The following UBTD2 variants were observed in gnomAD, a reference collection of about 807,000 sequenced individuals.
The protein encoded by UBTD2 is ubiquitin domain-containing protein 2.
UBTD2 carries 9 observed loss-of-function variants against 19.8 expected under a neutral mutation model. The observed-to-expected ratio is 0.46, with a 90% CI of 0.27 to 0.79. The LOEUF is 0.79. Ranked by LOEUF, UBTD2 falls within the 30% of genes least tolerant of loss-of-function variation. The probability of loss-of-function intolerance (pLI) is 0.14; values close to 1 mark genes in which losing one functional copy is unlikely to be tolerated. For synonymous variants in UBTD2, 98 were observed against 103.9 expected (o/e 0.94, Z 0.35); for missense variants, 250 against 300.4 (o/e 0.83, Z 1.24).
intron 1 of UBTD2, among the ~76,000 whole-genome samples, chr5:172,240,223 C>A (rs952932799): frequency 1.3e-5 from 2 of 152,118 alleles, no homozygotes; most frequent in Non-Finnish European, 2.9e-5. Context: ...AGGAATCCTG[C>A]AGTAAAGAAG....
intron 2 of UBTD2, among the ~76,000 whole-genome samples, chr5:172,231,295 T>C (rs1351996259): frequency 1.3e-5 from 2 of 152,216 alleles, no homozygotes; most frequent in African/African-American, 4.8e-5. Flanking sequence ...AGTGACAATA[T>C]TAACACCCAG....
At chr5:172,250,147 T>C (rs1176395377) in intron 1 of UBTD2, among the ~76,000 whole-genome samples, 4 of 151,938 alleles carry the variant, frequency 2.6e-5, no homozygotes, top group Non-Finnish European at 5.9e-5. Context: ...CACTTGAACC[T>C]GGTAGGCGGA....
intron 1 of UBTD2, among the ~76,000 whole-genome samples, chr5:172,265,297 T>G (rs1247259766): frequency 6.6e-6 from 1 of 152,210 alleles, no homozygotes; most frequent in Admixed American, 6.5e-5. Flanking sequence ...AATAAAATAA[T>G]TTCACCCAAA....
chr5:172,274,934 G>A (rs1161765793), intron 1 of UBTD2, among the ~76,000 whole-genome samples: 1 of 152,186 alleles, frequency 6.6e-6, no homozygotes, highest in Non-Finnish European at 1.5e-5. Flanking sequence ...TACTTGGGAG[G>A]ATGAGGCAGG....
Position 172,234,104 on chromosome 5 carries a change from G to C in UBTD2, c.307+18C>G. 6.2e-7 allele frequency: 1 copy of C among 1,611,782 alleles called. No individual in the cohort carries two copies. The highest frequency in any genetic ancestry group is 1.1e-5 in the South Asian group (1 of 90,988). ...AGTTGATTATGTTTCCTCTGTCCTTGAGGAACACCAAACCTACCATGTGGT... is the reference window on the plus strand; with the variant it reads ...AGTTGATTATGTTTCCTCTGTCCTTCAGGAACACCAAACCTACCATGTGGT... On this transcript the variant is annotated intron_variant, in intron 2 of 2. Coordinates refer to ENST00000393792, the MANE Select transcript of UBTD2 (RefSeq NM_152277.3).
At chr5:172,224,306 T>C (rs1771718265) in intron 2 of UBTD2, among the ~76,000 whole-genome samples, 1 of 149,280 alleles carries the variant, frequency 6.7e-6, no homozygotes, top group Admixed American at 6.7e-5. Flanking sequence ...TTCTTTTTTT[T>C]TTTTTTTTTT....
At chr5:172,268,185 T>C (rs1755416499) in intron 1 of UBTD2, among the ~76,000 whole-genome samples, 1 of 151,720 alleles carries the variant, frequency 6.6e-6, no homozygotes, top group Non-Finnish European at 1.5e-5. Context: ...TTTTTTTAAG[T>C]AGAGTGGAGA....
At chr5:172,268,172 T>C (rs1755416318) in intron 1 of UBTD2, among the ~76,000 whole-genome samples, 1 of 151,072 alleles carries the variant, frequency 6.6e-6, no homozygotes, top group Non-Finnish European at 1.5e-5. Flanking sequence ...TGATAGAAGT[T>C]TTTTTTTTTA....
At position 172,211,959 on chromosome 5, in the gene UBTD2, C is replaced by G; in HGVS notation, c.576G>C (p.Gln192His). Residue 192 changes from glutamine to histidine, a missense_variant, in exon 3 of 3, where the codon CAG (glutamine) becomes CAC (histidine). By Grantham distance (24) the Gln-to-His change is conservative. Coordinates refer to ENST00000393792, the MANE Select transcript of UBTD2 (RefSeq NM_152277.3). ...HAAEGVEPGS[Q>H]RWFFSGRPLT... ...GAGGTCTGCCAGAAAAAAACCACCG[C>G]TGACTACCTGGTTCCACTCCCTCTG... is the stretch of plus-strand genomic sequence containing the variant. 6.2e-7 allele frequency: 1 copy of G among 1,614,206 alleles called. No individual in the cohort carries two copies. The highest frequency in any genetic ancestry group is 8.5e-7 in the Non-Finnish European group (1 of 1,180,034).
chr5:172,275,533 C>T (rs1275481997), intron 1 of UBTD2, among the ~76,000 whole-genome samples: 3 of 152,226 alleles, frequency 2.0e-5, no homozygotes, highest in Non-Finnish European at 2.9e-5. Context: ...TAAGTACCTA[C>T]TTACTATGTG....
intron 1 of UBTD2, 146 bp from the exon 2 acceptor site, chr5:172,234,504 C>T (rs1771969341): frequency 1.4e-6 from 1 of 708,534 alleles, no homozygotes; most frequent in Admixed American, 2.7e-5. Flanking sequence ...TCCTGAAATT[C>T]CTCTAACACA....
chr5:172,259,174 G>A (rs1392748145), intron 1 of UBTD2, among the ~76,000 whole-genome samples: 8 of 152,012 alleles, frequency 5.3e-5, no homozygotes, highest in African/African-American at 9.7e-5. Flanking sequence ...ACAGAGTCTC[G>A]TTATGTTACC....
chr5:172,269,094 T>A (rs1755431907), intron 1 of UBTD2, among the ~76,000 whole-genome samples: 1 of 152,178 alleles, frequency 6.6e-6, no homozygotes, highest in Non-Finnish European at 1.5e-5. Flanking sequence ...AAAAAAGATA[T>A]ATAAATATGA....
rs758501697 is a variant in UBTD2, at chr5:172,234,347, G to A, written c.82C>T (p.Arg28Cys). ...TTCTCCTTTTTCAAAGGCTGGTTACGACCTAGAGCAACTGAAAAGAAAAAT... is the reference window on the plus strand; with the variant it reads ...TTCTCCTTTTTCAAAGGCTGGTTACAACCTAGAGCAACTGAAAAGAAAAAT... ...NSEGTGVALGRNQPLKKEKPK... is the reference protein window; with the variant it reads ...NSEGTGVALGCNQPLKKEKPK... The change falls in exon 2 of 3, where the codon CGT becomes TGT. Residue 28 changes from arginine to cysteine, a missense_variant. Arg to Cys is a radical substitution (Grantham distance 180). Coordinates refer to ENST00000393792, the MANE Select transcript of UBTD2 (RefSeq NM_152277.3). 33 of 1,613,582 alleles carry A rather than the reference G, an allele frequency of 2.0e-5. No individual in the cohort carries two copies. The Admixed American group carries it at 2.8e-4, about 14-fold the overall frequency.
chr5:172,233,007 G>T (rs1771934706), intron 2 of UBTD2, among the ~76,000 whole-genome samples: 1 of 152,080 alleles, frequency 6.6e-6, no homozygotes, highest in Non-Finnish European at 1.5e-5. Flanking sequence ...CAGGCATGGT[G>T]GGGAAGCTGA....
intron 1 of UBTD2, among the ~76,000 whole-genome samples, chr5:172,270,838 C>T (rs1004711679): frequency 1.3e-5 from 2 of 152,036 alleles, no homozygotes; most frequent in Non-Finnish European, 2.9e-5. Context: ...ATAAAATAAC[C>T]TTGCAAAATG....
chr5:172,267,972 G>A (rs1755409177), intron 1 of UBTD2, among the ~76,000 whole-genome samples: 1 of 152,114 alleles, frequency 6.6e-6, no homozygotes, highest in South Asian at 2.1e-4. Context: ...ATTTAACAAA[G>A]CTTCTGTTCT....
chr5:172,212,083 T>G lies in UBTD2; in HGVS notation c.452A>C (p.Glu151Ala), dbSNP rs757121932. 17 of 1,614,188 alleles carry G rather than the reference T, an allele frequency of 1.1e-5. No homozygotes were observed. In the East Asian group the frequency reaches 3.6e-4, roughly 34 times the overall value. Residue 151 changes from glutamate (E) to alanine (A), a missense_variant, in exon 3 of 3, where the codon GAA (glutamate) becomes GCA (alanine). By Grantham distance (107) the Glu-to-Ala change is moderately radical. Coordinates refer to ENST00000393792, the MANE Select transcript of UBTD2 (RefSeq NM_152277.3). The stretch of plus-strand genomic sequence containing the variant: ...GGAAAGGCGCAAACGAAGCTGACAT[T>G]CATATCCAGAATTGGGTGGTGGCTC... The part of the protein sequence containing the change: ...IPEPPPNSGY[E>A]CQLRLRLSTG...
At chr5:172,232,103 T>C (rs1771912367) in intron 2 of UBTD2, among the ~76,000 whole-genome samples, 1 of 151,984 alleles carries the variant, frequency 6.6e-6, no homozygotes, top group Admixed American at 6.5e-5. Flanking sequence ...AAACCCTGTC[T>C]CTACCAAAAA....
Sources: gnomAD v4.1 joint callset for allele counts (sites outside exome capture counted in the v4.1 genomes callset) on GRCh38, gnomAD v4.1.1 for gene constraint, MANE v1.5 for transcripts, NCBI Gene and HGNC (gene_info 2026-07-23, HGNC 2026-07-21) for gene names.